The following UBAP1 variants were observed in gnomAD, a reference collection of about 807,000 sequenced individuals.
UBAP1 encodes the protein ubiquitin-associated protein 1.
Under a neutral mutation model 39.0 loss-of-function variants are expected in UBAP1, and 5 were observed. The ratio of observed to expected loss-of-function variants is 0.13; its 90% CI spans 0.07 to 0.27. The LOEUF (loss-of-function observed/expected upper bound fraction) is 0.27, where lower values mean the gene tolerates loss of function less well. Among genes scored for constraint, UBAP1 ranks in the 10% least tolerant of loss-of-function variants. The probability of loss-of-function intolerance (pLI) is 1.00; values close to 1 mark genes in which losing one functional copy is unlikely to be tolerated. For missense variants in UBAP1, 490 were observed against 608.1 expected, an observed-to-expected ratio of 0.81 and a Z score of 2.04; for synonymous variants, 211 against 225.1, an observed-to-expected ratio of 0.94 and a Z score of 0.56.
chr9:34,192,990 T>C (rs190795464), intron 1 of UBAP1, among the ~76,000 whole-genome samples: 42 of 152,266 alleles, frequency 2.8e-4, no homozygotes, highest in Non-Finnish European at 1.0e-4. Flanking sequence ...AAATCTTTGC[T>C]ATTCTTTATG....
intron 3 of UBAP1, among the ~76,000 whole-genome samples, chr9:34,236,658 G>T (rs1833714801): frequency 6.6e-6 from 1 of 151,866 alleles, no homozygotes; most frequent in African/African-American, 2.4e-5. Context: ...AGTTAGATTT[G>T]CTGTGTCTCA....
In UBAP1 at chr9:34,205,306, C is replaced by T. The variant is rs530498381; in HGVS notation, c.-7-15602C>T. ...GATTACAGGCCTGAGCAGTCACACC[C>T]AGCCCTGGCTAATGCTTTGAAGTCA... On this transcript the variant is annotated intron_variant, in intron 1 of 6. Transcript: ENST00000297661. Among the ~76,000 whole-genome samples, 3 of 152,320 alleles carry T rather than the reference C, an allele frequency of 2.0e-5. No individual in the cohort carries two copies. The South Asian group carries it at 6.2e-4, about 32-fold the overall frequency.
At chr9:34,210,597 T>C (rs573295291) in intron 1 of UBAP1, among the ~76,000 whole-genome samples, 1 of 151,956 alleles carries the variant, frequency 6.6e-6, no homozygotes, top group East Asian at 1.9e-4. Context: ...TGTGTGCCTG[T>C]AGTACCAGCT....
At chr9:34,226,717 A>AT (rs57327014) in intron 2 of UBAP1, among the ~76,000 whole-genome samples, 18,798 of 149,490 alleles carry the variant, frequency 0.13, 1,487 homozygotes, top group Non-Finnish European at 0.18. Flanking sequence ...ACACTGTTCA[A>AT]TTTTTTTTTT....
intron 2 of UBAP1, chr9:34,224,393 C>G: frequency 2.4e-6 from 1 of 420,620 alleles, no homozygotes; most frequent in East Asian, 4.2e-5. Context: ...TAGACAACAT[C>G]GATGATCCTT....
At chr9:34,235,189 C>T (rs1017040916) in intron 3 of UBAP1, among the ~76,000 whole-genome samples, 5 of 151,480 alleles carry the variant, frequency 3.3e-5, no homozygotes, top group Non-Finnish European at 7.4e-5. Context: ...AGTATTAGTT[C>T]GGAAGAGTAA....
chr9:34,231,127 A>ACGTG (rs1833386385), intron 2 of UBAP1, among the ~76,000 whole-genome samples: 1 of 137,026 alleles, frequency 7.3e-6, no homozygotes, highest in African/African-American at 2.8e-5. Context: ...TAAAAAAATT[A>ACGTG]TGTGTGTGTG....
rs189764576 is a variant in UBAP1, at chr9:34,238,497, A to G, written c.160-2688A>G. On this transcript the variant is annotated intron_variant, in intron 3 of 6. Coordinates refer to ENST00000297661, the MANE Select transcript of UBAP1 (RefSeq NM_016525.5). ...CCAGCAGCACTACAAGAGGGTACCAATTTCTTCACTTCCTTGCCCACTCTT... is the reference window on the plus strand; with the variant it reads ...CCAGCAGCACTACAAGAGGGTACCAGTTTCTTCACTTCCTTGCCCACTCTT... Among the ~76,000 whole-genome samples, 330 of 152,280 alleles carry G rather than the reference A, an allele frequency of 2.2e-3. 1 individual carries two copies. The highest frequency in any genetic ancestry group is 5.2e-3 in the South Asian group (25 of 4,824).
At chr9:34,224,432 G>T (rs776482184) in intron 2 of UBAP1, 4 of 398,968 alleles carry the variant, frequency 1.0e-5, no homozygotes, top group East Asian at 4.4e-5. Context: ...TGAGCCCCAG[G>T]AGAAATTCCC....
chr9:34,183,563 A>C (rs917618064), intron 1 of UBAP1, among the ~76,000 whole-genome samples: 3 of 151,426 alleles, frequency 2.0e-5, no homozygotes, highest in East Asian at 2.0e-4. Flanking sequence ...AAAAAAAAAA[A>C]AAAAACATTA....
intron 2 of UBAP1, among the ~76,000 whole-genome samples, chr9:34,223,331 G>A (rs1335991104): frequency 6.6e-6 from 1 of 151,604 alleles, no homozygotes; most frequent in Non-Finnish European, 1.5e-5. Context: ...TCGGGAGGCT[G>A]AGGAAGGAGA....
chr9:34,209,932 A>G (rs960005737), intron 1 of UBAP1, among the ~76,000 whole-genome samples: 1 of 152,186 alleles, frequency 6.6e-6, no homozygotes, highest in African/African-American at 2.4e-5. Flanking sequence ...CACCATTATA[A>G]AAATATCTTA....
At chr9:34,217,125 C>A (rs1426962791) in intron 1 of UBAP1, among the ~76,000 whole-genome samples, 1 of 152,074 alleles carries the variant, frequency 6.6e-6, no homozygotes, top group Admixed American at 6.6e-5. Context: ...TATTCCACAT[C>A]TGTGATTCTC....
At chr9:34,182,664 T>C (rs1830132223) in intron 1 of UBAP1, among the ~76,000 whole-genome samples, 1 of 62,430 alleles carries the variant, frequency 1.6e-5, no homozygotes, top group African/African-American at 3.9e-5. Flanking sequence ...TCTTTCTTTC[T>C]TTCTTTCTTT....
At chr9:34,237,276 T>TA (rs1390088452) in intron 3 of UBAP1, among the ~76,000 whole-genome samples, 1 of 152,170 alleles carries the variant, frequency 6.6e-6, no homozygotes, top group African/African-American at 2.4e-5. Context: ...TCAAGGTACT[T>TA]ACAGTTGAGA....
At chr9:34,249,284 A>G (rs1400584850) in intron 4 of UBAP1, among the ~76,000 whole-genome samples, 1 of 152,228 alleles carries the variant, frequency 6.6e-6, no homozygotes, top group Admixed American at 6.5e-5. Flanking sequence ...CCACACTCAC[A>G]GCCTCTGCCG....
At chr9:34,240,262 A>G (rs1429549543) in intron 3 of UBAP1, among the ~76,000 whole-genome samples, 1 of 152,114 alleles carries the variant, frequency 6.6e-6, no homozygotes, top group Non-Finnish European at 1.5e-5. Flanking sequence ...GTGCCTTTCT[A>G]GGCTTCTCTT....
intron 1 of UBAP1, among the ~76,000 whole-genome samples, chr9:34,205,851 G>T (rs1831654298): frequency 6.6e-6 from 1 of 152,164 alleles, no homozygotes; most frequent in Non-Finnish European, 1.5e-5. Context: ...AATTAGCCAG[G>T]TGTGGTGGCG....
chr9:34,226,127 G>GTGTT (rs1554650823), intron 2 of UBAP1, among the ~76,000 whole-genome samples: 1 of 137,334 alleles, frequency 7.3e-6, no homozygotes, highest in Non-Finnish European at 1.6e-5. Flanking sequence ...GTGTGTGTGT[G>GTGTT]TGTGTGTGTG....
Sources: gnomAD v4.1 joint callset for allele counts (sites outside exome capture counted in the v4.1 genomes callset) on GRCh38, gnomAD v4.1.1 for gene constraint, MANE v1.5 for transcripts, NCBI Gene and HGNC (gene_info 2026-07-23, HGNC 2026-07-21) for gene names.